Variants in CPQ observed in about 807,000 individuals in gnomAD.
CPQ encodes the protein carboxypeptidase Q, also known as Ser-Met dipeptidase.
CPQ carries 37 observed loss-of-function variants against 45.7 expected under a neutral mutation model. The ratio of observed to expected loss-of-function variants is 0.81; its 90% CI spans 0.62 to 1.07. The LOEUF (loss-of-function observed/expected upper bound fraction) is 1.07. Ranked by LOEUF, CPQ falls within the 50% of genes least tolerant of loss-of-function variation. The probability of loss-of-function intolerance (pLI) is 0.00; values close to 1 mark genes in which losing one functional copy is unlikely to be tolerated. For synonymous variants in CPQ, 186 were observed against 205.8 expected (o/e 0.90, Z 0.82); for missense variants, 537 against 572.9 (o/e 0.94, Z 0.64).
At chr8:96,911,361 G>C (rs370815729) in intron 4 of CPQ, among the ~76,000 whole-genome samples, 1 of 152,214 alleles carries the variant, frequency 6.6e-6, no homozygotes, top group Admixed American at 6.5e-5. Flanking sequence ...GAAGGGTCAG[G>C]CTGGTGCATA....
chr8:96,975,353 A>T (rs939835002), intron 5 of CPQ, among the ~76,000 whole-genome samples: 1 of 152,050 alleles, frequency 6.6e-6, no homozygotes, highest in Non-Finnish European at 1.5e-5. Context: ...AAAAATTCCA[A>T]ACAAAAAAAT....
intron 5 of CPQ, among the ~76,000 whole-genome samples, chr8:96,971,364 ACTAT>A (rs1813675942): frequency 6.6e-6 from 1 of 152,218 alleles, no homozygotes; most frequent in South Asian, 2.1e-4. Flanking sequence ...TTTTATCCAC[ACTAT>A]CTGAGTCTAT....
At chr8:96,709,189 TG>T (rs1426598840) in intron 1 of CPQ, among the ~76,000 whole-genome samples, 1 of 152,176 alleles carries the variant, frequency 6.6e-6, no homozygotes, top group African/African-American at 2.4e-5. Context: ...ACGATTCTAG[TG>T]TACCTGTCCC....
At chr8:96,772,807 G>A (rs548753928) in intron 1 of CPQ, among the ~76,000 whole-genome samples, 124 of 152,162 alleles carry the variant, frequency 8.1e-4, no homozygotes, top group Non-Finnish European at 1.5e-3. Flanking sequence ...CTGGTTGCAG[G>A]AGACAGCAAA....
chr8:96,678,603 G>A (rs968885427), intron 1 of CPQ, among the ~76,000 whole-genome samples: 1 of 151,992 alleles, frequency 6.6e-6, no homozygotes, highest in South Asian at 2.1e-4. Flanking sequence ...TTTGAAAATA[G>A]CCATTCCAAC....
At chr8:97,022,232 CT>C (rs1350502296) in intron 5 of CPQ, among the ~76,000 whole-genome samples, 1 of 152,128 alleles carries the variant, frequency 6.6e-6, no homozygotes, top group African/African-American at 2.4e-5. Flanking sequence ...CAAAAATCAA[CT>C]CAAGATGGAT....
intron 5 of CPQ, among the ~76,000 whole-genome samples, chr8:97,011,883 A>G (rs1809491394): frequency 6.6e-6 from 1 of 151,966 alleles, no homozygotes; most frequent in African/African-American, 2.4e-5. Context: ...CTCTCATCCA[A>G]TCCTTTCCTT....
chr8:96,899,392 G>T (rs115121588), intron 4 of CPQ, among the ~76,000 whole-genome samples: 2,750 of 152,234 alleles, frequency 0.018, 77 homozygotes, highest in African/African-American at 0.06. Context: ...CATATACATT[G>T]TATTAGACCA....
chr8:96,954,846 G>A (rs1317240216), intron 4 of CPQ, among the ~76,000 whole-genome samples: 1 of 152,064 alleles, frequency 6.6e-6, no homozygotes, highest in African/African-American at 2.4e-5. Context: ...AACATGCGGT[G>A]TTTGGTTTTT....
intron 3 of CPQ, among the ~76,000 whole-genome samples, chr8:96,852,867 G>A (rs913539767): frequency 1.3e-5 from 2 of 152,162 alleles, no homozygotes; most frequent in Non-Finnish European, 2.9e-5. Context: ...AAATGCAAAT[G>A]TATTTCTTCT....
intron 3 of CPQ, among the ~76,000 whole-genome samples, chr8:96,846,348 G>A (rs1002225230): frequency 1.3e-5 from 2 of 152,054 alleles, no homozygotes; most frequent in Non-Finnish European, 2.9e-5. Flanking sequence ...TTACTGAGTG[G>A]TAGGAGTTCT....
chr8:96,796,353 T>A (rs1810928603), intron 2 of CPQ, among the ~76,000 whole-genome samples: 1 of 152,188 alleles, frequency 6.6e-6, no homozygotes, highest in Non-Finnish European at 1.5e-5. Flanking sequence ...TTAATGATAT[T>A]CTAATTGATG....
At chr8:96,671,819 C>T (rs1451891502) in intron 1 of CPQ, among the ~76,000 whole-genome samples, 1 of 152,036 alleles carries the variant, frequency 6.6e-6, no homozygotes, top group Admixed American at 6.6e-5. Context: ...GTTAATTTAC[C>T]TGTAGAATCT....
chr8:97,088,241 G>T (rs1250385279), intron 7 of CPQ, among the ~76,000 whole-genome samples: 1 of 152,184 alleles, frequency 6.6e-6, no homozygotes, highest in Non-Finnish European at 1.5e-5. Context: ...TGCCAAGCTG[G>T]TAGTGGGTAA....
At chr8:97,063,674 T>C (rs2130524670) in intron 6 of CPQ, among the ~76,000 whole-genome samples, 1 of 152,290 alleles carries the variant, frequency 6.6e-6, no homozygotes, top group East Asian at 1.9e-4. Context: ...AAGTTTCAAC[T>C]TCTGCATGTG....
At chr8:96,689,201 C>T (rs1809272638) in intron 1 of CPQ, among the ~76,000 whole-genome samples, 1 of 152,288 alleles carries the variant, frequency 6.6e-6, no homozygotes, top group African/African-American at 2.4e-5. Context: ...TTCTGTGGAG[C>T]TGGGGAGAAC....
At chr8:96,669,542 A>G (rs999068645) in intron 1 of CPQ, among the ~76,000 whole-genome samples, 18 of 152,226 alleles carry the variant, frequency 1.2e-4, no homozygotes, top group African/African-American at 4.3e-4. Flanking sequence ...GTTTCAATTG[A>G]AAATTACTTG....
chr8:96,746,528 C>T (rs1018943373), intron 1 of CPQ, among the ~76,000 whole-genome samples: 11 of 152,134 alleles, frequency 7.2e-5, no homozygotes, highest in Admixed American at 3.9e-4. Flanking sequence ...CTGCTCTGTC[C>T]ACTTATTTTC....
chr8:97,029,438 T>C lies in CPQ; in HGVS notation c.997T>C (p.Trp333Arg), dbSNP rs1306914839. ...AAAGAGGACTCTGCGGCTGGTGCTC[T>C]GGACTGCAGAAGAACAAGGTGGAGT... The part of the protein sequence containing the change: ...RPKRTLRLVL[W>R]TAEEQGGVGA... Residue 333 changes from tryptophan (W) to arginine (R), a missense_variant, in exon 6 of 8, where the codon TGG becomes CGG. Coordinates refer to ENST00000220763, the MANE Select transcript of CPQ (RefSeq NM_016134.4). 6.2e-7 allele frequency: 1 copy of C among 1,609,264 alleles called. No individual in the cohort carries two copies. Among genetic ancestry groups the C allele is most frequent in the East Asian group, 2.2e-5 (1 of 44,826 alleles).
Sources: gnomAD v4.1 joint callset for allele counts (sites outside exome capture counted in the v4.1 genomes callset) on GRCh38, gnomAD v4.1.1 for gene constraint, MANE v1.5 for transcripts, NCBI Gene and HGNC (gene_info 2026-07-23, HGNC 2026-07-21) for gene names.